KCNT2: variants seen among roughly 807,000 people sequenced by gnomAD.
The protein encoded by KCNT2 is potassium channel subfamily T member 2.
Under a neutral mutation model 153.8 loss-of-function variants are expected in KCNT2, and 67 were observed. The ratio of observed to expected loss-of-function variants is 0.44; its 90% CI spans 0.36 to 0.53. The LOEUF (loss-of-function observed/expected upper bound fraction) is 0.53. Ranked by LOEUF, KCNT2 falls within the 20% of genes least tolerant of loss-of-function variation. KCNT2 has a pLI of 0.00. For synonymous variants in KCNT2, 500 were observed against 458.8 expected, an observed-to-expected ratio of 1.09 and a Z score of -1.15; for missense variants, 975 against 1,354.8, an observed-to-expected ratio of 0.72 and a Z score of 4.40.
At chr1:196,545,933 A>G (rs1657028436) in intron 1 of KCNT2, among the ~76,000 whole-genome samples, 2 of 152,042 alleles carry the variant, frequency 1.3e-5, no homozygotes, top group Admixed American at 6.6e-5. Context: ...TTGTACGGAT[A>G]TACCACATTT....
intron 10 of KCNT2, among the ~76,000 whole-genome samples, chr1:196,427,819 G>A (rs1673787723): frequency 6.6e-6 from 1 of 151,762 alleles, no homozygotes; most frequent in South Asian, 2.1e-4. Context: ...TCTACCCAAG[G>A]GAGAAAAAGC....
intron 1 of KCNT2, among the ~76,000 whole-genome samples, chr1:196,537,348 C>T (rs1250906431): frequency 6.6e-6 from 1 of 152,180 alleles, no homozygotes; most frequent in Non-Finnish European, 1.5e-5. Context: ...GAAAAGAATG[C>T]ATTAGTCATG....
intron 13 of KCNT2, among the ~76,000 whole-genome samples, chr1:196,395,439 G>T (rs189608414): frequency 6.6e-6 from 1 of 151,506 alleles, no homozygotes. Flanking sequence ...TGAAGATGAC[G>T]AATAGGCACT....
intron 1 of KCNT2, among the ~76,000 whole-genome samples, chr1:196,576,214 C>A: frequency 6.6e-6 from 1 of 151,592 alleles, no homozygotes; most frequent in Non-Finnish European, 1.5e-5. Flanking sequence ...TAACTCAAGG[C>A]TAGTAAACAT....
At chr1:196,312,009 A>G (rs1247241219) in intron 21 of KCNT2, among the ~76,000 whole-genome samples, 1 of 151,852 alleles carries the variant, frequency 6.6e-6, no homozygotes, top group Non-Finnish European at 1.5e-5. Context: ...TCCAATTGTA[A>G]TGATTGTCTT....
rs573948512 is a variant in KCNT2 at position 196,295,905 on chromosome 1, G to T, written c.2595+9329C>A. 2.6e-5 allele frequency among the ~76,000 whole-genome samples: 4 copies of T among 151,976 alleles called. No individual in the cohort carries two copies. The South Asian group carries it at 8.3e-4, about 32-fold the overall frequency. ...TTTGTGTAAGTTTTATGACATGGAG[G>T]GTTGTCAATGTAAATTATATCATGG... On this transcript the variant is annotated intron_variant, in intron 22 of 27. Transcript: ENST00000294725.
intron 1 of KCNT2, among the ~76,000 whole-genome samples, chr1:196,553,213 T>C (rs571023160): frequency 7.9e-4 from 119 of 151,036 alleles, no homozygotes; most frequent in African/African-American, 2.8e-3. Context: ...GAAAAATATA[T>C]TCCATGTCAA....
At chr1:196,496,824 A>G (rs536256981) in intron 1 of KCNT2, among the ~76,000 whole-genome samples, 2 of 152,278 alleles carry the variant, frequency 1.3e-5, no homozygotes, top group South Asian at 4.1e-4. Context: ...AGACACACGA[A>G]TTCACCTAAC....
intron 26 of KCNT2, among the ~76,000 whole-genome samples, chr1:196,250,131 C>A: frequency 6.6e-6 from 1 of 151,382 alleles, no homozygotes. Context: ...CACAAAGACC[C>A]AGTATAGCTA....
intron 26 of KCNT2, among the ~76,000 whole-genome samples, chr1:196,237,951 C>T (rs747619315): frequency 1.3e-5 from 2 of 151,722 alleles, no homozygotes; most frequent in Non-Finnish European, 2.9e-5. Flanking sequence ...TTGAGAAATG[C>T]CCCCTTATTT....
chr1:196,500,300 GGGAGGGAGGGA>G (rs1680591321), intron 1 of KCNT2, among the ~76,000 whole-genome samples: 1 of 118,376 alleles, frequency 8.4e-6, no homozygotes, highest in Non-Finnish European at 1.9e-5. Context: ...GAGGGAGGGA[GGGAGGGAGGGA>G]GGGAGGGAGG....
chr1:196,415,229 G>A (rs928792448), intron 12 of KCNT2, among the ~76,000 whole-genome samples: 1 of 151,772 alleles, frequency 6.6e-6, no homozygotes, highest in East Asian at 1.9e-4. Context: ...AACTTTTGGG[G>A]AATCAAAGAG....
chr1:196,273,639 T>C (rs1246344443), intron 25 of KCNT2, among the ~76,000 whole-genome samples: 1 of 151,760 alleles, frequency 6.6e-6, no homozygotes, highest in Non-Finnish European at 1.5e-5. Context: ...TCGTATGGCT[T>C]TTGAACAAAA....
intron 11 of KCNT2, among the ~76,000 whole-genome samples, chr1:196,425,094 T>G (rs139952466): frequency 6.6e-6 from 1 of 151,990 alleles, no homozygotes; most frequent in Non-Finnish European, 1.5e-5. Context: ...CAGAAAATAT[T>G]GAGCAAAACC....
chr1:196,402,252 A>T (rs1293532253), intron 12 of KCNT2, among the ~76,000 whole-genome samples: 2 of 151,596 alleles, frequency 1.3e-5, no homozygotes, highest in African/African-American at 4.8e-5. Context: ...AAGAGTAACA[A>T]ATGTTTAATG....
chr1:196,294,488 A>G (rs923202866), intron 22 of KCNT2, among the ~76,000 whole-genome samples: 1 of 151,942 alleles, frequency 6.6e-6, no homozygotes, highest in African/African-American at 2.4e-5. Flanking sequence ...GTTGGCCAGG[A>G]TGATCTCAAT....
At chr1:196,422,788 G>A (rs1408133646) in intron 12 of KCNT2, among the ~76,000 whole-genome samples, 1 of 151,690 alleles carries the variant, frequency 6.6e-6, no homozygotes, top group Non-Finnish European at 1.5e-5. Flanking sequence ...AATAAAAAAT[G>A]TTCCAGTTCT....
intron 12 of KCNT2, among the ~76,000 whole-genome samples, chr1:196,412,376 T>A (rs1334598021): frequency 6.6e-6 from 1 of 151,682 alleles, no homozygotes; most frequent in Non-Finnish European, 1.5e-5. Context: ...ATGTTTGGGG[T>A]ACAGAATACT....
intron 1 of KCNT2, among the ~76,000 whole-genome samples, chr1:196,523,680 T>A (rs770571850): frequency 6.6e-6 from 1 of 152,190 alleles, no homozygotes; most frequent in Non-Finnish European, 1.5e-5. Flanking sequence ...AAGCATCTGA[T>A]AGAGCCATGC....
Sources: allele counts gnomAD v4.1 joint callset (sites outside exome capture counted in the v4.1 genomes callset), GRCh38; gene constraint gnomAD v4.1.1; transcripts MANE v1.5; gene names NCBI Gene and HGNC (gene_info 2026-07-23, HGNC 2026-07-21).